The following TBL1XR1 variants were observed in gnomAD, a reference collection of about 807,000 sequenced individuals.
TBL1XR1 encodes F-box-like/WD repeat-containing protein TBL1XR1.
TBL1XR1 carries 5 observed loss-of-function variants against 66.9 expected under a neutral mutation model. The observed-to-expected ratio is 0.07, with a 90% CI of 0.04 to 0.16. TBL1XR1 has a LOEUF of 0.16. Among genes scored for constraint, TBL1XR1 ranks in the 10% least tolerant of loss-of-function variants. The pLI, the probability that TBL1XR1 is intolerant of heterozygous loss-of-function variation, is 1.00. For missense variants in TBL1XR1, 238 were observed against 623.2 expected (o/e 0.38, Z 6.58); for synonymous variants, 210 against 206.0 (o/e 1.02, Z -0.17).
At chr3:177,137,101 T>C (rs1312918063) in intron 1 of TBL1XR1, among the ~76,000 whole-genome samples, 1 of 152,150 alleles carries the variant, frequency 6.6e-6, no homozygotes, top group Non-Finnish European at 1.5e-5. Flanking sequence ...CTTTAAGCAT[T>C]ATGGCATACA....
chr3:177,186,115 G>C (rs936298759), intron 1 of TBL1XR1, among the ~76,000 whole-genome samples: 25 of 152,126 alleles, frequency 1.6e-4, no homozygotes, highest in African/African-American at 6.0e-4. Flanking sequence ...GAAGTCCAAG[G>C]TCAAAGATGT....
At chr3:177,061,911 A>G (rs572947733) in intron 3 of TBL1XR1, among the ~76,000 whole-genome samples, 14 of 152,136 alleles carry the variant, frequency 9.2e-5, no homozygotes, top group Non-Finnish European at 1.8e-4. Flanking sequence ...GATCAGAACC[A>G]AAAAAAAGCT....
At chr3:177,143,313 G>A (rs1729846002) in intron 1 of TBL1XR1, among the ~76,000 whole-genome samples, 1 of 151,702 alleles carries the variant, frequency 6.6e-6, no homozygotes, top group Non-Finnish European at 1.5e-5. Context: ...TATTTGCTAA[G>A]TCAGTGTTCA....
rs1010719291 is a variant in TBL1XR1, at chr3:177,019,888, G to A, written c.*5610C>T. 2.6e-5 allele frequency: 4 copies of A among 151,410 alleles called. No individual in the cohort carries two copies. Among genetic ancestry groups the A allele is most frequent in the Non-Finnish European group, 5.9e-5 (4 of 67,938 alleles). 9.4% of individuals were successfully genotyped at this position (151,410 alleles called of 1,614,324 possible). ...AAGCATGTCAGTTCTAGCAACTGCA[G>A]TGGCTTATTTCTAATAAAACATAAA... is the stretch of plus-strand genomic sequence containing the variant. On this transcript the variant is annotated 3_prime_UTR_variant, in exon 16 of 16. Coordinates refer to ENST00000457928, the MANE Select transcript of TBL1XR1 (RefSeq NM_024665.7).
In TBL1XR1 at chr3:177,094,747, T is replaced by G. The variant is rs1275681079; in HGVS notation, c.-46+3719A>C. ...AAACCATAACGTTGCATGTTCTCAC[T>G]CATAAGTGAGAGCGAAGCTATGAGG... On this transcript the variant is annotated intron_variant, in intron 2 of 15. Transcript: ENST00000457928. Among the ~76,000 whole-genome samples, 4 of 152,018 alleles carry G rather than the reference T, an allele frequency of 2.6e-5. No individual in the cohort carries two copies. The East Asian group carries it at 5.8e-4, about 22-fold the overall frequency.
chr3:177,114,610 T>C (rs1340185212), intron 1 of TBL1XR1, among the ~76,000 whole-genome samples: 1 of 152,002 alleles, frequency 6.6e-6, no homozygotes, highest in African/African-American at 2.4e-5. Context: ...AATATATGTA[T>C]TTCAAAAGAT....
intron 1 of TBL1XR1, among the ~76,000 whole-genome samples, chr3:177,159,450 G>A (rs1384186786): frequency 7.2e-5 from 11 of 152,102 alleles, no homozygotes; most frequent in Admixed American, 2.6e-4. Context: ...CTATAGAAAA[G>A]TCAATATATA....
intron 12 of TBL1XR1, among the ~76,000 whole-genome samples, chr3:177,034,791 A>G (rs1399428160): frequency 6.6e-6 from 1 of 152,098 alleles, no homozygotes; most frequent in Non-Finnish European, 1.5e-5. Flanking sequence ...TAAAGCTCAA[A>G]TGAAAAGTAG....
chr3:177,069,795 A>AGGAAGGGAAGGAG (rs1553824734), intron 2 of TBL1XR1, among the ~76,000 whole-genome samples: 1 of 70,650 alleles, frequency 1.4e-5, no homozygotes, highest in Non-Finnish European at 3.3e-5. Flanking sequence ...AAGGAAGGAA[A>AGGAAGGGAAGGAG]GGAAGGAAGG....
chr3:177,149,344 T>TC (rs1182688758), intron 1 of TBL1XR1, among the ~76,000 whole-genome samples: 1 of 152,116 alleles, frequency 6.6e-6, no homozygotes, highest in African/African-American at 2.4e-5. Context: ...TCTCTAGCAC[T>TC]CCCCCAATGA....
intron 2 of TBL1XR1, among the ~76,000 whole-genome samples, chr3:177,065,501 T>C (rs915464653): frequency 6.6e-6 from 1 of 152,210 alleles, no homozygotes; most frequent in Non-Finnish European, 1.5e-5. Flanking sequence ...ATGAAGTCTC[T>C]ATTTTCTCAC....
At chr3:177,196,556 G>A (rs1318012790) in intron 1 of TBL1XR1, 1 of 148,176 alleles carries the variant, frequency 6.7e-6, no homozygotes, top group Non-Finnish European at 1.5e-5. Flanking sequence ...CGCCGGCCGG[G>A]GTCGCCGCGC....
intron 1 of TBL1XR1, among the ~76,000 whole-genome samples, chr3:177,102,017 T>C (rs957758079): frequency 6.6e-6 from 1 of 152,052 alleles, no homozygotes; most frequent in African/African-American, 2.4e-5. Context: ...TAATAAGATA[T>C]GGTACACATA....
chr3:177,186,900 C>T (rs1393183870), intron 1 of TBL1XR1, among the ~76,000 whole-genome samples: 1 of 152,068 alleles, frequency 6.6e-6, no homozygotes, highest in African/African-American at 2.4e-5. Flanking sequence ...GGCGTGGTGG[C>T]TCACGCCTGT....
At chr3:177,173,771 G>GTA (rs1733837902) in intron 1 of TBL1XR1, among the ~76,000 whole-genome samples, 1 of 152,182 alleles carries the variant, frequency 6.6e-6, no homozygotes, top group South Asian at 2.1e-4. Flanking sequence ...ATACACCATG[G>GTA]TTAGGTAAGA....
intron 2 of TBL1XR1, among the ~76,000 whole-genome samples, chr3:177,067,679 T>C (rs920129921): frequency 3.9e-5 from 6 of 152,154 alleles, no homozygotes; most frequent in African/African-American, 1.4e-4. Flanking sequence ...ATCATAGTGC[T>C]ATATTAGTTC....
chr3:177,041,954 T>C (rs1715645226), intron 10 of TBL1XR1, among the ~76,000 whole-genome samples: 1 of 152,026 alleles, frequency 6.6e-6, no homozygotes, highest in South Asian at 2.1e-4. Context: ...TGCCTTCTCC[T>C]CTAGAGTCTT....
intron 1 of TBL1XR1, among the ~76,000 whole-genome samples, chr3:177,186,886 G>A (rs975671872): frequency 6.6e-6 from 1 of 152,060 alleles, no homozygotes; most frequent in Non-Finnish European, 1.5e-5. Flanking sequence ...CAGGAGTTCG[G>A]CCAGGCGTGG....
chr3:177,122,100 A>T (rs1727042519), intron 1 of TBL1XR1, among the ~76,000 whole-genome samples: 1 of 152,128 alleles, frequency 6.6e-6, no homozygotes. Flanking sequence ...TATTAATTAA[A>T]AGTACATTAA....
Sources: gnomAD v4.1 joint callset for allele counts (sites outside exome capture counted in the v4.1 genomes callset) on GRCh38, gnomAD v4.1.1 for gene constraint, MANE v1.5 for transcripts, NCBI Gene and HGNC (gene_info 2026-07-23, HGNC 2026-07-21) for gene names.